The following RANBP2 variants were observed in gnomAD, a reference collection of about 807,000 sequenced individuals.
RANBP2 encodes the protein RAN binding protein 2.
A neutral mutation model predicts 303.6 loss-of-function variants in RANBP2; 57 were observed. The observed-to-expected ratio is 0.19, with a 90% CI of 0.15 to 0.23. The LOEUF is 0.23. Ranked by LOEUF, RANBP2 falls within the 10% of genes least tolerant of loss-of-function variation. The pLI is 1.00. For missense variants in RANBP2, 3,138 were observed against 3,780.8 expected, an observed-to-expected ratio of 0.83 and a Z score of 4.46; for synonymous variants, 1,167 against 1,301.5, an observed-to-expected ratio of 0.90 and a Z score of 2.23.
chr2:108,864,220 T>C, the RANBP2 span, among the ~76,000 whole-genome samples: 1 of 152,034 alleles, frequency 6.6e-6, no homozygotes, highest in Non-Finnish European at 1.5e-5. Flanking sequence ...CACCAATTAG[T>C]GTGGTAGAAG....
At chr2:108,738,973 A>G (rs577616436) in intron 6 of RANBP2, among the ~76,000 whole-genome samples, 1 of 152,296 alleles carries the variant, frequency 6.6e-6, no homozygotes, top group Non-Finnish European at 1.5e-5. Flanking sequence ...TTCAACAGCA[A>G]AAAAGTAGTC....
the RANBP2 span, among the ~76,000 whole-genome samples, chr2:109,608,633 C>T: frequency 6.6e-6 from 1 of 152,154 alleles, no homozygotes; most frequent in Non-Finnish European, 1.5e-5. Flanking sequence ...AGTATAAGTG[C>T]TATATCCCAA....
the RANBP2 span, among the ~76,000 whole-genome samples, chr2:109,612,142 A>C: frequency 6.6e-5 from 10 of 152,220 alleles, no homozygotes; most frequent in African/African-American, 2.2e-4. Flanking sequence ...CAAACTGCAG[A>C]TATATGCAAC....
chr2:109,523,805 T>C, the RANBP2 span, among the ~76,000 whole-genome samples: 2 of 152,146 alleles, frequency 1.3e-5, no homozygotes, highest in Non-Finnish European at 2.9e-5. Flanking sequence ...TTGAGGCTAA[T>C]ACCTCAGAGA....
chr2:109,521,871 G>A, the RANBP2 span, among the ~76,000 whole-genome samples: 14 of 152,040 alleles, frequency 9.2e-5, no homozygotes, highest in Non-Finnish European at 1.8e-4. Flanking sequence ...TATAGTCGGT[G>A]TTAATTGAAG....
chr2:109,133,136 C>T, the RANBP2 span, among the ~76,000 whole-genome samples: 1 of 152,136 alleles, frequency 6.6e-6, no homozygotes, highest in Non-Finnish European at 1.5e-5. Flanking sequence ...AGAAGGTACC[C>T]GTGGGCACTG....
chr2:109,377,405 C>T, the RANBP2 span, among the ~76,000 whole-genome samples: 1 of 152,210 alleles, frequency 6.6e-6, no homozygotes, highest in East Asian at 1.9e-4. Context: ...AAGGCCATAG[C>T]GTCAGTGGCT....
intron 23 of RANBP2, among the ~76,000 whole-genome samples, chr2:108,774,441 C>T (rs556939986): frequency 2.0e-5 from 3 of 152,168 alleles, no homozygotes; most frequent in African/African-American, 7.2e-5. Context: ...CACTGCTCTC[C>T]AGCCTGGACA....
chr2:109,446,766 CCT>C, the RANBP2 span, among the ~76,000 whole-genome samples: 1 of 113,942 alleles, frequency 8.8e-6, no homozygotes, highest in Non-Finnish European at 2.1e-5. Context: ...GAACACACTC[CCT>C]CTCTTCTTTG....
the RANBP2 span, chr2:108,911,181 AG>A: frequency 7.2e-7 from 1 of 1,388,116 alleles, no homozygotes; most frequent in Non-Finnish European, 1.0e-6. Flanking sequence ...GGATGCTTTC[AG>A]GGAACCCTGA....
At chr2:109,377,917 A>G in the RANBP2 span, among the ~76,000 whole-genome samples, 3 of 152,238 alleles carry the variant, frequency 2.0e-5, no homozygotes, top group East Asian at 5.8e-4. Flanking sequence ...AGGCACAACG[A>G]CAGCTCTCAT....
the RANBP2 span, among the ~76,000 whole-genome samples, chr2:108,869,803 G>C: frequency 1.3e-5 from 2 of 152,186 alleles, no homozygotes; most frequent in Non-Finnish European, 2.9e-5. Flanking sequence ...TGCTTGATAA[G>C]TAGTGAAGGC....
the RANBP2 span, among the ~76,000 whole-genome samples, chr2:109,509,939 T>A: frequency 2.6e-5 from 4 of 152,032 alleles, no homozygotes; most frequent in Non-Finnish European, 2.9e-5. Context: ...GCAAATACTA[T>A]AGGGCAAAGT....
chr2:109,511,493 A>G, the RANBP2 span, among the ~76,000 whole-genome samples: 1 of 152,352 alleles, frequency 6.6e-6, no homozygotes. Context: ...GTGTCCTTGC[A>G]GTCAGGCTGG....
At position 108,785,713 on chromosome 2, in the gene RANBP2, T is replaced by TTTA. The variant is rs1558947656; in HGVS notation, c.*1812_*1813insTTA. ...CTTTGTTATTTAATCACTGATGTGG[T>TTTA]CTAAACCCACGATAATATGTATCTT... is the stretch of plus-strand genomic sequence containing the variant. On this transcript the variant is annotated 3_prime_UTR_variant, in exon 29 of 29. Transcript: ENST00000283195. 1 of 152,234 alleles carries TTTA rather than the reference T, an allele frequency of 6.6e-6. No homozygotes were observed. The highest frequency in any genetic ancestry group is 2.4e-5 in the African/African-American group (1 of 41,464). 9.4% of individuals were successfully genotyped at this position (152,234 alleles called of 1,614,324 possible).
At chr2:109,086,266 T>C in the RANBP2 span, among the ~76,000 whole-genome samples, 1 of 151,990 alleles carries the variant, frequency 6.6e-6, no homozygotes, top group African/African-American at 2.4e-5. Context: ...CGTCTGAGGT[T>C]GTTGGGGGAG....
chr2:109,001,780 G>C, the RANBP2 span, among the ~76,000 whole-genome samples: 43 of 152,146 alleles, frequency 2.8e-4, no homozygotes, highest in Non-Finnish European at 5.9e-4. Context: ...GCCCAGACTA[G>C]AGTGCAGAGG....
At chr2:109,575,449 A>G in the RANBP2 span, among the ~76,000 whole-genome samples, 2 of 152,234 alleles carry the variant, frequency 1.3e-5, no homozygotes, top group African/African-American at 4.8e-5. Flanking sequence ...TAAACAAAGG[A>G]AAGGCCAATT....
chr2:108,792,723 C>T, the RANBP2 span, among the ~76,000 whole-genome samples: 2 of 152,316 alleles, frequency 1.3e-5, no homozygotes, highest in Admixed American at 6.5e-5. Flanking sequence ...GACACACCCC[C>T]CTCCTTTTTT....
Sources: gnomAD v4.1 joint callset for allele counts (sites outside exome capture counted in the v4.1 genomes callset) on GRCh38, gnomAD v4.1.1 for gene constraint, MANE v1.5 for transcripts, NCBI Gene and HGNC (gene_info 2026-07-23, HGNC 2026-07-21) for gene names.